ZNF729: variants seen among roughly 807,000 people sequenced by gnomAD.
The protein encoded by ZNF729 is zinc finger protein 729.
In ZNF729, 15 loss-of-function variants were observed where a neutral mutation model predicts 12.2. The ratio of observed to expected loss-of-function variants is 1.23; its 90% CI spans 0.82 to 1.89. The LOEUF (loss-of-function observed/expected upper bound fraction) is 1.89, where lower values mean the gene tolerates loss of function less well. ZNF729 is among the 40% of genes most tolerant of loss of function. The pLI is 0.00. For synonymous variants in ZNF729, 492 were observed against 476.3 expected (o/e 1.03, Z -0.43); for missense variants, 1,540 against 1,456.7 (o/e 1.06, Z -0.93).
rs553682714 is a variant in ZNF729, at chr19:22,295,335, G to A, written c.31-8423G>A. Among the ~76,000 whole-genome samples, 58 of 150,392 alleles carry A rather than the reference G, an allele frequency of 3.9e-4. 1 individual carries two copies. In the Middle Eastern group the frequency reaches 0.038, roughly 100 times the overall value. On this transcript the variant is annotated intron_variant, in intron 1 of 3. Transcript: ENST00000601693. Reference sequence around the variant, plus strand: ...TCTCTTGTCTGATTGCTCTGGCCAGGACTTCCAATTCTCTTAAATAGGAGC... The same window carrying A: ...TCTCTTGTCTGATTGCTCTGGCCAGAACTTCCAATTCTCTTAAATAGGAGC...
chr19:22,316,139 T>G lies in ZNF729; in HGVS notation c.2722T>G (p.Cys908Gly). ...HKVIHTAEKP[C>G]KCEECGKAFK... ...GGTAATTCATACTGCAGAGAAACCC[T>G]GTAAATGTGAAGAATGTGGCAAAGC... The change falls in exon 4 of 4, where the codon TGT becomes GGT. Residue 908 changes from cysteine (C) to glycine (G), a missense_variant. Cys to Gly is a radical substitution (Grantham distance 159, BLOSUM62 -3). Coordinates refer to ENST00000601693, the MANE Select transcript of ZNF729 (RefSeq NM_001242680.2). 6.2e-7 allele frequency: 1 copy of G among 1,609,062 alleles called. No homozygotes were observed.
At position 22,313,805 on chromosome 19, in the gene ZNF729, A is replaced by C. The variant is rs1568576771; in HGVS notation, c.388A>C (p.Asn130His). Residue 130 changes from asparagine to histidine, a missense_variant, in exon 4 of 4, where the codon AAT becomes CAT. Physicochemically the swap from Asn to His is moderately conservative, Grantham distance 68. Transcript: ENST00000601693. The part of the protein sequence containing the change: ...LRLRKDCKSA[N>H]EGKMHKEGYN... Reference sequence around the variant, plus strand: ...ATTAAGAAAAGATTGTAAAAGTGCCAATGAGGGTAAGATGCACAAAGAAGG... The same window carrying C: ...ATTAAGAAAAGATTGTAAAAGTGCCCATGAGGGTAAGATGCACAAAGAAGG... 1.3e-6 allele frequency: 2 copies of C among 1,596,532 alleles called. No individual in the cohort carries two copies. The highest frequency in any genetic ancestry group is 1.7e-6 in the Non-Finnish European group (2 of 1,172,812).
intron 3 of ZNF729, among the ~76,000 whole-genome samples, chr19:22,305,756 C>G (rs1463511875): frequency 6.6e-6 from 1 of 151,980 alleles, no homozygotes; most frequent in Non-Finnish European, 1.5e-5. Flanking sequence ...ATATTGCATG[C>G]TTTTTTCCTT....
intron 3 of ZNF729, among the ~76,000 whole-genome samples, chr19:22,308,282 A>G (rs960813784): frequency 1.3e-5 from 2 of 152,216 alleles, no homozygotes; most frequent in East Asian, 1.9e-4. Flanking sequence ...GGCAATGGGC[A>G]TTTGGGTTGG....
intron 3 of ZNF729, among the ~76,000 whole-genome samples, chr19:22,306,423 G>A (rs1276304554): frequency 1.4e-5 from 2 of 143,308 alleles, no homozygotes; most frequent in African/African-American, 5.3e-5. Context: ...GGGCAACAGA[G>A]TGAGACTCCA....
chr19:22,310,818 G>A (rs1040525777), intron 3 of ZNF729, among the ~76,000 whole-genome samples: 1 of 152,038 alleles, frequency 6.6e-6, no homozygotes, highest in African/African-American at 2.4e-5. Flanking sequence ...ATTCTGTCTG[G>A]TCCTAGACTT....
At chr19:22,302,254 G>A (rs1968319162) in intron 1 of ZNF729, among the ~76,000 whole-genome samples, 1 of 152,298 alleles carries the variant, frequency 6.6e-6, no homozygotes, top group African/African-American at 2.4e-5. Context: ...ATTTCATGTG[G>A]CCATTAAAAA....
At position 22,315,661 on chromosome 19, in the gene ZNF729, T is replaced by G. The variant is rs764363011; in HGVS notation, c.2244T>G (p.Ser748=). ...GCAAATGTGAAGAATGTGGCAAATCTTTTAAGCATTTCTCAGCCCTTAGAA... is the reference window on the plus strand; with the variant it reads ...GCAAATGTGAAGAATGTGGCAAATCGTTTAAGCATTTCTCAGCCCTTAGAA... The part of the protein sequence containing the change: ...KPCKCEECGK[S]FKHFSALRKH... Residue 748 remains serine (S), a synonymous_variant, in exon 4 of 4, where the codon TCT becomes TCG. Transcript: ENST00000601693. The G allele has an allele frequency of 2.5e-6, 4 of 1,608,310 alleles. No individual in the cohort carries two copies. In the South Asian group the frequency reaches 4.4e-5, roughly 18 times the overall value.
At chr19:22,288,097 G>A (rs1027316909) in intron 1 of ZNF729, among the ~76,000 whole-genome samples, 2 of 152,052 alleles carry the variant, frequency 1.3e-5, no homozygotes, top group Admixed American at 6.5e-5. Context: ...GCTCGCCTCA[G>A]CTTCCCAAAG....
intron 3 of ZNF729, 39 bp downstream of exon 3, chr19:22,304,822 G>T (rs748713114): frequency 6.3e-7 from 1 of 1,587,858 alleles, no homozygotes; most frequent in Non-Finnish European, 8.6e-7. Flanking sequence ...ACAGATAAGA[G>T]GTCCAGAGGT....
Position 22,316,100 on chromosome 19 carries a change from C to G in ZNF729, c.2683C>G (p.Leu895Val), listed in dbSNP as rs1367602286. 6.2e-7 allele frequency: 1 copy of G among 1,610,360 alleles called. No individual in the cohort carries two copies. Among genetic ancestry groups the G allele is most frequent in the Non-Finnish European group, 8.5e-7 (1 of 1,179,518 alleles). The change falls in exon 4 of 4, where the codon CTT becomes GTT. Residue 895 changes from leucine to valine, a missense_variant. By Grantham distance (32) the Leu-to-Val change is conservative. Coordinates refer to ENST00000601693, the MANE Select transcript of ZNF729 (RefSeq NM_001242680.2). ...TAAAGCTTTTAAGTGGTTGTCAAAA[C>G]TTACTGTACATAAGGTAATTCATAC... ...CGKAFKWLSK[L>V]TVHKVIHTAE...
intron 1 of ZNF729, among the ~76,000 whole-genome samples, chr19:22,290,827 T>C (rs1337584519): frequency 2.0e-5 from 3 of 152,162 alleles, no homozygotes; most frequent in African/African-American, 7.2e-5. Flanking sequence ...GAGCACCATC[T>C]AAGTCATAAT....
intron 3 of ZNF729, among the ~76,000 whole-genome samples, chr19:22,307,659 C>G (rs1320477719): frequency 6.7e-6 from 1 of 150,142 alleles, no homozygotes; most frequent in African/African-American, 2.5e-5. Context: ...AGGAGAATCG[C>G]TTGAACCTGG....
At chr19:22,299,614 C>T (rs1968278753) in intron 1 of ZNF729, 2 of 152,790 alleles carry the variant, frequency 1.3e-5, no homozygotes, top group African/African-American at 4.8e-5. Context: ...TTTTTCTGTC[C>T]AATGCTTTGG....
chr19:22,316,910 T>C lies in ZNF729; in HGVS notation c.3493T>C (p.Cys1165Arg), dbSNP rs1367492650. ...SVEKPYKCEE[C>R]GKAFNQSSHL... ...AGAGAAACCCTACAAATGTGAAGAA[T>C]GTGGCAAAGCCTTTAACCAGTCCTC... The change falls in exon 4 of 4, where the codon TGT becomes CGT. Residue 1165 changes from cysteine to arginine, a missense_variant. By Grantham distance (180) the Cys-to-Arg change is radical. Coordinates refer to ENST00000601693, the MANE Select transcript of ZNF729 (RefSeq NM_001242680.2). 1.2e-6 allele frequency: 2 copies of C among 1,613,120 alleles called. No homozygotes were observed. The highest frequency in any genetic ancestry group is 4.5e-5 in the East Asian group (2 of 44,832).
In ZNF729 at chr19:22,316,596, C is replaced by A; in HGVS notation, c.3179C>A (p.Ser1060Tyr). ...CEECGKAFKW[S>Y]SKLTEHKVIH... ...GAATGTGGTAAAGCTTTTAAGTGGT[C>A]CTCAAAACTTACTGAACATAAGGTA... is the stretch of plus-strand genomic sequence containing the variant. The change falls in exon 4 of 4, where the codon TCC (serine) becomes TAC (tyrosine). Residue 1060 changes from serine to tyrosine, a missense_variant. Transcript: ENST00000601693. 6.2e-7 allele frequency: 1 copy of A among 1,612,282 alleles called. No individual in the cohort carries two copies. Among genetic ancestry groups the A allele is most frequent in the South Asian group, 1.1e-5 (1 of 91,008 alleles).
chr19:22,295,716 A>C (rs1158039764), intron 1 of ZNF729, among the ~76,000 whole-genome samples: 1 of 152,208 alleles, frequency 6.6e-6, no homozygotes, highest in Non-Finnish European at 1.5e-5. Flanking sequence ...CCAGTTTTCA[A>C]AGATAAACGC....
At chr19:22,306,464 A>G (rs1263033388) in intron 3 of ZNF729, among the ~76,000 whole-genome samples, 1 of 150,240 alleles carries the variant, frequency 6.7e-6, no homozygotes, top group African/African-American at 2.4e-5. Context: ...AAGAAAAGAA[A>G]TAAAGTTACA....
At chr19:22,307,703 A>G (rs1477947270) in intron 3 of ZNF729, among the ~76,000 whole-genome samples, 3 of 147,686 alleles carry the variant, frequency 2.0e-5, no homozygotes, top group African/African-American at 7.5e-5. Context: ...AGATCCCACC[A>G]TTGCACTCCA....
Sources: allele counts gnomAD v4.1 joint callset (sites outside exome capture counted in the v4.1 genomes callset), GRCh38; gene constraint gnomAD v4.1.1; transcripts MANE v1.5; gene names NCBI Gene and HGNC (gene_info 2026-07-23, HGNC 2026-07-21).